DISC1: variants seen among roughly 807,000 people sequenced by gnomAD.
DISC1 encodes the protein disrupted in schizophrenia 1 protein.
Under a neutral mutation model 84.5 loss-of-function variants are expected in DISC1, and 57 were observed. The ratio of observed to expected loss-of-function variants is 0.67; its 90% CI spans 0.55 to 0.84. The LOEUF (loss-of-function observed/expected upper bound fraction) is 0.84, where lower values mean the gene tolerates loss of function less well. Among genes scored for constraint, DISC1 ranks in the 40% least tolerant of loss-of-function variants. The probability of loss-of-function intolerance (pLI) is 0.00; values close to 1 mark genes in which losing one functional copy is unlikely to be tolerated. For synonymous variants in DISC1, 411 were observed against 415.2 expected (o/e 0.99, Z 0.12); for missense variants, 1,000 against 1,057.8 (o/e 0.95, Z 0.76).
chr1:231,790,106 G>A (rs2078216122), intron 6 of DISC1, among the ~76,000 whole-genome samples: 1 of 152,126 alleles, frequency 6.6e-6, no homozygotes, highest in Non-Finnish European at 1.5e-5. Context: ...CAGTCTCCCA[G>A]TTGGGCAGAT....
At chr1:231,651,296 G>A (rs1236637539) in intron 1 of DISC1, among the ~76,000 whole-genome samples, 1 of 152,176 alleles carries the variant, frequency 6.6e-6, no homozygotes, top group East Asian at 1.9e-4. Context: ...CTTTCTGTTT[G>A]TTAGTTTTCC....
chr1:231,854,292 A>G (rs2084106019), intron 9 of DISC1, among the ~76,000 whole-genome samples: 1 of 152,170 alleles, frequency 6.6e-6, no homozygotes, highest in Admixed American at 6.5e-5. Context: ...AGTCATTCTG[A>G]GGGACAACTG....
At chr1:231,912,920 T>G (rs2089354959) in intron 9 of DISC1, among the ~76,000 whole-genome samples, 1 of 150,638 alleles carries the variant, frequency 6.6e-6, no homozygotes, top group Non-Finnish European at 1.5e-5. Flanking sequence ...TTTCTTTCTG[T>G]TCTTCTTTTG....
At chr1:231,811,815 C>T (rs1558588146) in intron 8 of DISC1, among the ~76,000 whole-genome samples, 1 of 152,162 alleles carries the variant, frequency 6.6e-6, no homozygotes, top group Non-Finnish European at 1.5e-5. Context: ...TCAGCAATCT[C>T]GCATGGGATC....
intron 10 of DISC1, among the ~76,000 whole-genome samples, chr1:231,996,181 TG>T (rs1416176312): frequency 6.6e-6 from 1 of 152,190 alleles, no homozygotes; most frequent in African/African-American, 2.4e-5. Context: ...CACTTTTTGA[TG>T]GGGTTGTTTG....
At chr1:231,683,056 G>A (rs1482176806) in intron 1 of DISC1, among the ~76,000 whole-genome samples, 1 of 152,212 alleles carries the variant, frequency 6.6e-6, no homozygotes, top group Non-Finnish European at 1.5e-5. Context: ...GAAATCCTAT[G>A]TAGGGTAGAA....
At chr1:231,740,688 CAT>C (rs1170107385) in intron 3 of DISC1, among the ~76,000 whole-genome samples, 1 of 152,156 alleles carries the variant, frequency 6.6e-6, no homozygotes, top group Non-Finnish European at 1.5e-5. Flanking sequence ...AGTATTTGCA[CAT>C]ATATAATGAG....
At chr1:231,871,794 G>A (rs970173317) in intron 9 of DISC1, among the ~76,000 whole-genome samples, 2 of 152,278 alleles carry the variant, frequency 1.3e-5, no homozygotes, top group African/African-American at 4.8e-5. Flanking sequence ...GGGGTCAGGG[G>A]TGGTGAGACC....
chr1:231,950,673 G>A (rs1658202320), intron 9 of DISC1, among the ~76,000 whole-genome samples: 1 of 152,162 alleles, frequency 6.6e-6, no homozygotes, highest in South Asian at 2.1e-4. Flanking sequence ...TTGCATGTAG[G>A]AGCAGGTCTG....
At position 231,958,965 on chromosome 1, in the gene DISC1, G is replaced by A. The variant is rs572308320; in HGVS notation, c.2042+77G>A. On this transcript the variant is annotated intron_variant, in intron 10 of 12. Coordinates refer to ENST00000439617, the MANE Select transcript of DISC1 (RefSeq NM_018662.3). The stretch of plus-strand genomic sequence containing the variant: ...TATTATAACAGAATTTAGTTAAATC[G>A]ATGAAAAAGGCTGGCCAGTTTCTCT... 22 of 1,512,676 alleles carry A rather than the reference G, an allele frequency of 1.5e-5. No homozygotes were observed. In the Admixed American group the frequency reaches 1.8e-4, roughly 12 times the overall value. The allele number at this position is 1,512,676 out of a possible 1,614,324, so 93.7% of individuals were successfully genotyped here.
At chr1:231,809,943 T>C (rs981904300) in intron 8 of DISC1, among the ~76,000 whole-genome samples, 2 of 152,218 alleles carry the variant, frequency 1.3e-5, no homozygotes, top group Non-Finnish European at 2.9e-5. Context: ...GAATTTTGCT[T>C]ATTTGTTATT....
intron 4 of DISC1, 63 bp downstream of exon 4, chr1:231,750,139 T>C: frequency 6.3e-7 from 1 of 1,574,830 alleles, no homozygotes; most frequent in East Asian, 2.2e-5. Context: ...AGCTCCCACA[T>C]AGTGAAGAGC....
chr1:232,026,746 AT>A (rs1014465910), intron 12 of DISC1, among the ~76,000 whole-genome samples, 194 bp downstream of exon 12: 5 of 127,018 alleles, frequency 3.9e-5, no homozygotes, highest in Admixed American at 8.1e-5. Context: ...GCAATTCAGT[AT>A]TTTTTTTCTT....
intron 2 of DISC1, among the ~76,000 whole-genome samples, chr1:231,701,448 A>C (rs2124888179): frequency 6.6e-6 from 1 of 152,308 alleles, no homozygotes; most frequent in African/African-American, 2.4e-5. Context: ...CTTTTCTGTA[A>C]TGGAAAATAT....
In DISC1 at chr1:232,036,687, C is replaced by A. The variant is rs751787083; in HGVS notation, c.2426-5C>A. 4 of 1,587,438 alleles carry A rather than the reference C, an allele frequency of 2.5e-6. No homozygotes were observed. The highest frequency in any genetic ancestry group is 4.5e-5 in the East Asian group (2 of 44,244). On this transcript the variant is annotated splice_polypyrimidine_tract_variant and splice_region_variant and intron_variant, in intron 12 of 12. Transcript: ENST00000439617. Reference sequence around the variant, plus strand: ...TTCGAATGTGCTCCTTAACAATGTGCCCACAGTCTCTCAGGAGGGAGCTCC... The same window carrying A: ...TTCGAATGTGCTCCTTAACAATGTGACCACAGTCTCTCAGGAGGGAGCTCC...
At chr1:231,823,400 T>C (rs2081637618) in intron 9 of DISC1, among the ~76,000 whole-genome samples, 1 of 152,094 alleles carries the variant, frequency 6.6e-6, no homozygotes. Context: ...AAAATGCCAA[T>C]GTCAAGTGTT....
In DISC1 at chr1:231,946,906, G is replaced by A. The variant is rs538275826; in HGVS notation, c.1982-11922G>A. Among the ~76,000 whole-genome samples, 15 of 152,316 alleles carry A rather than the reference G, an allele frequency of 9.8e-5. No homozygotes were observed. The South Asian group carries it at 2.9e-3, about 29-fold the overall frequency. ...TAGGAATACAACTTACAAGGGTTGT[G>A]AAGGACCTCTTCAAGGAAAACTACA... is the stretch of plus-strand genomic sequence containing the variant. On this transcript the variant is annotated intron_variant, in intron 9 of 12. Coordinates refer to ENST00000439617, the MANE Select transcript of DISC1 (RefSeq NM_018662.3).
intron 1 of DISC1, chr1:231,684,655 C>T (rs533349395): frequency 7.9e-5 from 12 of 152,222 alleles, no homozygotes; most frequent in African/African-American, 2.9e-4. Context: ...ACGTATCTAT[C>T]TCTTGTGCTA....
At chr1:231,840,148 A>G (rs2082931666) in intron 9 of DISC1, among the ~76,000 whole-genome samples, 1 of 152,230 alleles carries the variant, frequency 6.6e-6, no homozygotes, top group Non-Finnish European at 1.5e-5. Flanking sequence ...TGCTGCCAAG[A>G]AGGTGGAGCA....
Sources: allele counts gnomAD v4.1 joint callset (sites outside exome capture counted in the v4.1 genomes callset), GRCh38; gene constraint gnomAD v4.1.1; transcripts MANE v1.5; gene names NCBI Gene and HGNC (gene_info 2026-07-23, HGNC 2026-07-21).